Variants in PSMD14 observed in about 807,000 individuals in gnomAD.
PSMD14 encodes ubiquitin C-terminal hydrolase PSMD14.
A neutral mutation model predicts 41.2 loss-of-function variants in PSMD14; 7 were observed. That is an observed-to-expected ratio of 0.17 (90% confidence interval 0.10 to 0.32). The LOEUF (loss-of-function observed/expected upper bound fraction) is 0.32, where lower values mean the gene tolerates loss of function less well. PSMD14 is among the 10% of genes least tolerant of loss of function. PSMD14 has a pLI of 1.00. For synonymous variants in PSMD14, 114 were observed against 122.3 expected (o/e 0.93, Z 0.45); for missense variants, 139 against 375.6 (o/e 0.37, Z 5.21).
intron 8 of PSMD14, among the ~76,000 whole-genome samples, chr2:161,388,911 T>C (rs1381761154): frequency 2.6e-5 from 4 of 152,082 alleles, no homozygotes; most frequent in Admixed American, 2.6e-4. Flanking sequence ...AAAAAGGACA[T>C]GGCCGGTTGA....
At chr2:161,366,817 A>AG (rs1683365664) in intron 3 of PSMD14, among the ~76,000 whole-genome samples, 1 of 152,208 alleles carries the variant, frequency 6.6e-6, no homozygotes, top group Admixed American at 6.6e-5. Flanking sequence ...GAATCCTTAA[A>AG]GGAGAAACAT....
In PSMD14 at chr2:161,394,031, C is replaced by T. The variant is rs138794329; in HGVS notation, c.646-1047C>T. On this transcript the variant is annotated intron_variant, in intron 9 of 11. Transcript: ENST00000409682. ...TGTCACCCAGGCTGGAGTGTAGTGG[C>T]GTGACCTCAGCTCACTGCAACCTCC... Among the ~76,000 whole-genome samples, 563 of 127,316 alleles carry T rather than the reference C, an allele frequency of 4.4e-3. 15 individuals are homozygous for T. The East Asian group carries it at 0.057, about 13-fold the overall frequency. The allele number at this position is 127,316 out of a possible 152,430, so 83.5% of individuals were successfully genotyped here.
At chr2:161,356,648 A>G (rs891806924) in intron 3 of PSMD14, among the ~76,000 whole-genome samples, 1 of 152,064 alleles carries the variant, frequency 6.6e-6, no homozygotes, top group Non-Finnish European at 1.5e-5. Flanking sequence ...TTTGTTATAA[A>G]GCATATATTT....
chr2:161,336,765 G>C (rs183914363), intron 3 of PSMD14, among the ~76,000 whole-genome samples: 3 of 152,144 alleles, frequency 2.0e-5, no homozygotes, highest in African/African-American at 7.2e-5. Context: ...TAATAGAGAT[G>C]GAGTTTCACC....
chr2:161,370,054 G>C, intron 5 of PSMD14, 53 bp from the exon 6 acceptor site: 1 of 1,379,982 alleles, frequency 7.2e-7, no homozygotes, highest in Non-Finnish European at 9.8e-7. Context: ...ACATAGGGAA[G>C]CTTTTTTTCC....
intron 3 of PSMD14, among the ~76,000 whole-genome samples, chr2:161,364,439 C>G (rs991161730): frequency 6.6e-6 from 1 of 152,084 alleles, no homozygotes; most frequent in Non-Finnish European, 1.5e-5. Context: ...AATACCTTCA[C>G]CTAGGTCCAT....
chr2:161,369,127 T>C (rs57275564), intron 5 of PSMD14, among the ~76,000 whole-genome samples: 51 of 152,106 alleles, frequency 3.4e-4, no homozygotes, highest in African/African-American at 1.2e-3. Context: ...CTAACTTATA[T>C]ATGTTATGGG....
chr2:161,335,903 T>G (rs1682862848), intron 3 of PSMD14, among the ~76,000 whole-genome samples: 1 of 152,236 alleles, frequency 6.6e-6, no homozygotes, highest in African/African-American at 2.4e-5. Flanking sequence ...GAATCCACTT[T>G]GCCAGGGTTA....
At chr2:161,408,416 G>GA (rs1683982848) in intron 10 of PSMD14, 1 of 177,396 alleles carries the variant, frequency 5.6e-6, no homozygotes, top group South Asian at 1.2e-4. Flanking sequence ...GGATTGATAA[G>GA]AAAAAAGGAG....
At chr2:161,411,266 G>T in intron 11 of PSMD14, 36 bp from the exon 12 acceptor site, 1 of 1,442,752 alleles carries the variant, frequency 6.9e-7, no homozygotes, top group Non-Finnish European at 9.5e-7. Context: ...CAGTAATATG[G>T]TTCTGTTTTC....
At chr2:161,360,658 T>C (rs948591120) in intron 3 of PSMD14, among the ~76,000 whole-genome samples, 1 of 151,906 alleles carries the variant, frequency 6.6e-6, no homozygotes. Flanking sequence ...CCCAGCCCTA[T>C]TCTGGGTAGT....
intron 9 of PSMD14, 150 bp from the exon 10 acceptor site, chr2:161,394,928 T>G (rs1683770576): frequency 2.9e-6 from 2 of 680,238 alleles, no homozygotes; most frequent in Admixed American, 7.2e-5. Flanking sequence ...AATACAAATA[T>G]AGGAGCATTC....
intron 9 of PSMD14, among the ~76,000 whole-genome samples, chr2:161,392,444 G>A (rs938377699): frequency 3.3e-5 from 5 of 152,104 alleles, no homozygotes; most frequent in Admixed American, 6.6e-5. Context: ...AGTGAGTTGG[G>A]CTCTCCACGC....
chr2:161,333,941 G>A (rs1351346063), intron 3 of PSMD14, among the ~76,000 whole-genome samples: 1 of 152,218 alleles, frequency 6.6e-6, no homozygotes, highest in East Asian at 1.9e-4. Flanking sequence ...TGAGGCAGGA[G>A]AATGGCCTGC....
chr2:161,355,840 A>G (rs532918244), intron 3 of PSMD14, among the ~76,000 whole-genome samples: 14 of 152,334 alleles, frequency 9.2e-5, no homozygotes, highest in Admixed American at 7.2e-4. Flanking sequence ...CCGCAAACAG[A>G]AATGTAAATG....
chr2:161,375,465 G>T (rs1291396129), intron 7 of PSMD14, among the ~76,000 whole-genome samples: 2 of 151,962 alleles, frequency 1.3e-5, no homozygotes, highest in Non-Finnish European at 2.9e-5. Context: ...TTAGAACAAG[G>T]GAGAAATCAG....
At chr2:161,365,147 T>C (rs1244169635) in intron 3 of PSMD14, among the ~76,000 whole-genome samples, 1 of 152,174 alleles carries the variant, frequency 6.6e-6, no homozygotes, top group Non-Finnish European at 1.5e-5. Flanking sequence ...AATAAACAGC[T>C]GCATAGTCTT....
chr2:161,340,326 C>T (rs1309273042), intron 3 of PSMD14, among the ~76,000 whole-genome samples: 1 of 152,158 alleles, frequency 6.6e-6, no homozygotes, highest in African/African-American at 2.4e-5. Flanking sequence ...GGAAAAGGGT[C>T]GGCTGACCAC....
intron 3 of PSMD14, among the ~76,000 whole-genome samples, chr2:161,338,122 A>G (rs1434429364): frequency 1.3e-5 from 2 of 152,356 alleles, no homozygotes; most frequent in East Asian, 3.9e-4. Context: ...GTCTCCAAGC[A>G]CATAGCCTTG....
Sources: allele counts gnomAD v4.1 joint callset (sites outside exome capture counted in the v4.1 genomes callset), GRCh38; gene constraint gnomAD v4.1.1; transcripts MANE v1.5; gene names NCBI Gene and HGNC (gene_info 2026-07-23, HGNC 2026-07-21).